The following XKR4 variants were observed in gnomAD, a reference collection of about 807,000 sequenced individuals.
XKR4 encodes the protein XK-related protein 4.
XKR4 carries 12 observed loss-of-function variants against 53.9 expected under a neutral mutation model. That is an observed-to-expected ratio of 0.22 (90% CI 0.14 to 0.36). The LOEUF (loss-of-function observed/expected upper bound fraction) is 0.36. Ranked by LOEUF, XKR4 falls within the 10% of genes least tolerant of loss-of-function variation. The probability of loss-of-function intolerance (pLI) is 1.00; values close to 1 mark genes in which losing one functional copy is unlikely to be tolerated. For missense variants in XKR4, 799 were observed against 859.5 expected (o/e 0.93, Z 0.88); for synonymous variants, 354 against 362.4 (o/e 0.98, Z 0.26).
At chr8:55,481,280 A>G (rs530038747) in intron 2 of XKR4, among the ~76,000 whole-genome samples, 1 of 152,338 alleles carries the variant, frequency 6.6e-6, no homozygotes, top group Admixed American at 6.5e-5. Context: ...AACCTGAGAA[A>G]AACAAGCAAT....
intron 2 of XKR4, among the ~76,000 whole-genome samples, chr8:55,486,179 C>T (rs1374899251): frequency 2.0e-5 from 3 of 152,182 alleles, no homozygotes; most frequent in Admixed American, 6.5e-5. Flanking sequence ...GTGCGCATCA[C>T]TTTGGTGCAT....
chr8:55,176,471 G>GTGTGCATA (rs879519212), intron 1 of XKR4, among the ~76,000 whole-genome samples: 1 of 152,200 alleles, frequency 6.6e-6, no homozygotes, highest in Admixed American at 6.5e-5. Flanking sequence ...GTGTGTGTGT[G>GTGTGCATA]TGTGCATATG....
rs191716300 is a variant in XKR4, at chr8:55,438,830, G to C, written c.1006+80953G>C. Among the ~76,000 whole-genome samples, 3 of 152,244 alleles carry C rather than the reference G, an allele frequency of 2.0e-5. No individual in the cohort carries two copies. In the East Asian group the frequency reaches 5.8e-4, roughly 29 times the overall value. On this transcript the variant is annotated intron_variant, in intron 2 of 2. Coordinates refer to ENST00000327381, the MANE Select transcript of XKR4 (RefSeq NM_052898.2). ...AGGACAAGAGAGGCTATAAACAACA[G>C]GAAAGCACTATCTGGAGCAACAAGT...
intron 1 of XKR4, among the ~76,000 whole-genome samples, chr8:55,107,680 TAAA>T (rs1816169037): frequency 6.6e-6 from 1 of 152,122 alleles, no homozygotes. Flanking sequence ...TTACAAATGA[TAAA>T]GAGGTTCTAG....
At chr8:55,272,725 A>G (rs1179915370) in intron 1 of XKR4, among the ~76,000 whole-genome samples, 3 of 152,186 alleles carry the variant, frequency 2.0e-5, no homozygotes, top group African/African-American at 4.8e-5. Flanking sequence ...TTCTACATAA[A>G]CATTCTCAGA....
chr8:55,211,903 A>G (rs1817737007), intron 1 of XKR4, among the ~76,000 whole-genome samples: 1 of 152,202 alleles, frequency 6.6e-6, no homozygotes, highest in South Asian at 2.1e-4. Flanking sequence ...GTCAGGGTAC[A>G]TCTTGGTTTT....
chr8:55,354,329 G>A (rs947567802), intron 1 of XKR4, among the ~76,000 whole-genome samples: 16 of 152,182 alleles, frequency 1.1e-4, no homozygotes, highest in African/African-American at 3.6e-4. Flanking sequence ...AGCAGGCTGG[G>A]TCCTTTAATC....
intron 2 of XKR4, among the ~76,000 whole-genome samples, chr8:55,500,181 CAAAAAAA>C (rs36233927): frequency 1.8e-3 from 204 of 115,592 alleles, no homozygotes; most frequent in African/African-American, 7.2e-3. Flanking sequence ...CAAATTGGGC[CAAAAAAA>C]AAAAAAAAAA....
intron 2 of XKR4, among the ~76,000 whole-genome samples, chr8:55,390,246 C>T (rs1804426127): frequency 6.6e-6 from 1 of 152,166 alleles, no homozygotes; most frequent in Non-Finnish European, 1.5e-5. Context: ...CTGTGAATCT[C>T]ATCAAAAAAC....
intron 2 of XKR4, among the ~76,000 whole-genome samples, chr8:55,448,895 A>T (rs1274543216): frequency 2.0e-5 from 3 of 152,222 alleles, no homozygotes; most frequent in African/African-American, 7.2e-5. Context: ...AGAAAAATAA[A>T]GAGAGTGTTA....
At chr8:55,155,040 A>G (rs1277637955) in intron 1 of XKR4, among the ~76,000 whole-genome samples, 7 of 152,212 alleles carry the variant, frequency 4.6e-5, no homozygotes, top group African/African-American at 1.7e-4. Flanking sequence ...ATCCCAGGAA[A>G]ACAGATGACT....
intron 2 of XKR4, chr8:55,449,840 T>A (rs1346149376): frequency 2.2e-5 from 24 of 1,086,934 alleles, no homozygotes; most frequent in Non-Finnish European, 3.4e-5. Flanking sequence ...GGACCTGTTC[T>A]CACTCTCAGC....
At chr8:55,216,078 T>G (rs1817792557) in intron 1 of XKR4, among the ~76,000 whole-genome samples, 1 of 152,216 alleles carries the variant, frequency 6.6e-6, no homozygotes, top group South Asian at 2.1e-4. Context: ...GGAAAAATCT[T>G]ATAAGTCATT....
chr8:55,183,425 A>G (rs1012136338), intron 1 of XKR4, among the ~76,000 whole-genome samples: 10 of 151,742 alleles, frequency 6.6e-5, no homozygotes, highest in Admixed American at 3.9e-4. Flanking sequence ...TTTATGATGT[A>G]TGTTCATTGT....
intron 1 of XKR4, among the ~76,000 whole-genome samples, chr8:55,202,242 G>A (rs1052291375): frequency 1.3e-5 from 2 of 152,296 alleles, no homozygotes; most frequent in African/African-American, 2.4e-5. Context: ...CTGAGGGTTC[G>A]ATATGTCATT....
intron 2 of XKR4, among the ~76,000 whole-genome samples, chr8:55,427,676 C>T (rs933099744): frequency 3.3e-5 from 5 of 152,218 alleles, no homozygotes; most frequent in African/African-American, 1.2e-4. Flanking sequence ...TTTAGAAAGA[C>T]TTGTTCTTTC....
At chr8:55,477,989 T>A (rs1806027547) in intron 2 of XKR4, among the ~76,000 whole-genome samples, 1 of 152,114 alleles carries the variant, frequency 6.6e-6, no homozygotes, top group South Asian at 2.1e-4. Context: ...ATGCAGGATA[T>A]TATCCAGGAG....
intron 1 of XKR4, among the ~76,000 whole-genome samples, chr8:55,270,709 A>G (rs531191509): frequency 2.0e-5 from 3 of 152,240 alleles, no homozygotes; most frequent in Non-Finnish European, 4.4e-5. Flanking sequence ...CTCCCAAATC[A>G]TTCAGTGCTG....
At chr8:55,289,748 AAAG>A (rs1818985818) in intron 1 of XKR4, among the ~76,000 whole-genome samples, 2 of 146,784 alleles carry the variant, frequency 1.4e-5, no homozygotes, top group Non-Finnish European at 3.0e-5. Context: ...AAAGAAAAAG[AAAG>A]AAAGAAAGAG....
Sources: allele counts gnomAD v4.1 joint callset (sites outside exome capture counted in the v4.1 genomes callset), GRCh38; gene constraint gnomAD v4.1.1; transcripts MANE v1.5; gene names NCBI Gene and HGNC (gene_info 2026-07-23, HGNC 2026-07-21).